The following VWA5B1 variants were observed in gnomAD, a reference collection of about 807,000 sequenced individuals.
VWA5B1 encodes the protein von Willebrand factor A domain-containing protein 5B1.
A neutral mutation model predicts 118.2 loss-of-function variants in VWA5B1; 115 were observed. The ratio of observed to expected loss-of-function variants is 0.97; its 90% CI spans 0.84 to 1.14. VWA5B1 has a LOEUF of 1.14. Among genes scored for constraint, VWA5B1 ranks in the 50% most tolerant of loss-of-function variants. The probability of loss-of-function intolerance (pLI) is 0.00; values close to 1 mark genes in which losing one functional copy is unlikely to be tolerated. For synonymous variants in VWA5B1, 682 were observed against 658.4 expected, an observed-to-expected ratio of 1.04 and a Z score of -0.55; for missense variants, 1,596 against 1,603.8, an observed-to-expected ratio of 1.00 and a Z score of 0.08.
At chr1:20,332,480 A>AAAAT (rs1248651490) in intron 11 of VWA5B1, among the ~76,000 whole-genome samples, 20 of 22,994 alleles carry the variant, frequency 8.7e-4, no homozygotes, top group African/African-American at 5.6e-3. Flanking sequence ...ACTCTGTCTC[A>AAAAT]AAATAAAATA....
intron 20 of VWA5B1, 108 bp from the exon 21 acceptor site, chr1:20,351,947 G>A (rs1027508614): frequency 7.9e-6 from 6 of 758,474 alleles, no homozygotes; most frequent in African/African-American, 7.2e-5. Context: ...CAGATAAGGA[G>A]GCTGGAGGGA....
chr1:20,319,263 C>T (rs1044710984), intron 6 of VWA5B1, 119 bp from the exon 7 acceptor site: 1 of 1,419,982 alleles, frequency 7.0e-7, no homozygotes, highest in African/African-American at 1.4e-5. Context: ...CCAGGGCTTC[C>T]ACCCCGCTTC....
chr1:20,340,641 G>A (rs985906792), intron 14 of VWA5B1, among the ~76,000 whole-genome samples: 9 of 152,150 alleles, frequency 5.9e-5, no homozygotes, highest in African/African-American at 1.2e-4. Flanking sequence ...GGATATATAT[G>A]GTCCCAGAGG....
chr1:20,318,469 G>C, intron 5 of VWA5B1, 121 bp from the exon 6 acceptor site: 2 of 1,380,506 alleles, frequency 1.4e-6, no homozygotes, highest in East Asian at 2.5e-5. Flanking sequence ...TGCAGGTCAG[G>C]AGCCCCTAAC....
At chr1:20,348,985 C>A in intron 18 of VWA5B1, 1 of 235,288 alleles carries the variant, frequency 4.3e-6, no homozygotes. Context: ...TTCTAGGTTC[C>A]CTCACGTGCA....
intron 16 of VWA5B1, among the ~76,000 whole-genome samples, chr1:20,344,650 G>A (rs1172108663): frequency 6.6e-6 from 1 of 152,210 alleles, no homozygotes; most frequent in Non-Finnish European, 1.5e-5. Flanking sequence ...AAAGTGACTG[G>A]TGGGATCTTG....
At chr1:20,299,208 C>A (rs991727109) in intron 1 of VWA5B1, among the ~76,000 whole-genome samples, 1 of 152,092 alleles carries the variant, frequency 6.6e-6, no homozygotes, top group African/African-American at 2.4e-5. Context: ...ATGGGAAACT[C>A]GGTATCCTAA....
At chr1:20,319,895 C>T (rs1162488754) in intron 7 of VWA5B1, among the ~76,000 whole-genome samples, 1 of 152,182 alleles carries the variant, frequency 6.6e-6, no homozygotes, top group African/African-American at 2.4e-5. Context: ...GCCTCTTGCT[C>T]TTCCTCCCTC....
chr1:20,317,447 CAT>C, intron 4 of VWA5B1, 81 bp from the exon 5 acceptor site: 2 of 1,498,448 alleles, frequency 1.3e-6, no homozygotes, highest in East Asian at 5.0e-5. Flanking sequence ...GCCTGGAACT[CAT>C]CGTCCTCTCC....
At chr1:20,326,651 AGACGGTTCAGGCT>A (rs2089393172) in intron 8 of VWA5B1, among the ~76,000 whole-genome samples, 1 of 152,026 alleles carries the variant, frequency 6.6e-6, no homozygotes, top group Admixed American at 6.6e-5. Context: ...TTTTTAGTAG[AGACGGTTCAGGCT>A]GGTCTCGAAC....
chr1:20,349,631 CTTGG>C (rs2090082693), intron 18 of VWA5B1, among the ~76,000 whole-genome samples: 1 of 151,958 alleles, frequency 6.6e-6, no homozygotes, highest in Non-Finnish European at 1.5e-5. Flanking sequence ...GGTTCATCAC[CTTGG>C]CCTCCCAAAA....
chr1:20,323,319 C>A, intron 7 of VWA5B1, 37 bp from the exon 8 acceptor site: 3 of 1,409,022 alleles, frequency 2.1e-6, no homozygotes, highest in Non-Finnish European at 9.3e-7. Context: ...ACCTCTTGAC[C>A]CTGATTGCCC....
Position 20,354,204 on chromosome 1 carries a change from C to G in VWA5B1, c.3589C>G (p.Arg1197Gly), listed in dbSNP as rs760089014. ...TGCCCGCCAGCTGTTTGTGCTTCTG[C>G]GGCACTGGGATGAGAATCTCGAGTT... ...AAARQLFVLL[R>G]HWDENLEFNM... is the part of the protein sequence containing the mutation. Residue 1197 changes from arginine to glycine, a missense_variant, in exon 22 of 22, where the codon CGG becomes GGG. Arg to Gly is a moderately radical substitution (Grantham distance 125). Transcript: ENST00000289815. 3 of 1,550,910 alleles carry G rather than the reference C, an allele frequency of 1.9e-6. No individual in the cohort carries two copies. In the East Asian group the frequency reaches 7.3e-5, roughly 38 times the overall value.
chr1:20,306,179 C>A (rs1371352856), intron 1 of VWA5B1, among the ~76,000 whole-genome samples: 1 of 152,044 alleles, frequency 6.6e-6, no homozygotes, highest in Non-Finnish European at 1.5e-5. Context: ...GAGAGGGGTG[C>A]AATTTTAAAG....
intron 4 of VWA5B1, among the ~76,000 whole-genome samples, chr1:20,316,586 G>C (rs1270352330): frequency 6.6e-6 from 1 of 152,182 alleles, no homozygotes; most frequent in African/African-American, 2.4e-5. Context: ...GACCTTAGGG[G>C]GTGTGCCTGT....
rs1444471662 is a variant in VWA5B1, at chr1:20,352,171, T to C, written c.3140T>C (p.Leu1047Pro). ...AACCAGAGCTTCGACTACATACCTC[T>C]GGTGAGTGCCCTGACCCCAGGTGTC... is the stretch of plus-strand genomic sequence containing the variant. Reference protein sequence around the residue: ...SGNQSFDYIPLVSLQLASGAF... With the variant: ...SGNQSFDYIPPVSLQLASGAF... The change falls in exon 21 of 22, where the codon CTG becomes CCG. Residue 1047 changes from leucine (L) to proline (P), a missense_variant and splice_region_variant. By Grantham distance (98) the Leu-to-Pro change is moderately conservative. Transcript: ENST00000289815. 4 of 1,550,100 alleles carry C rather than the reference T, an allele frequency of 2.6e-6. No individual in the cohort carries two copies. The African/African-American group carries it at 5.5e-5, about 21-fold the overall frequency.
chr1:20,354,284 G>A lies in VWA5B1; in HGVS notation c.*21G>A, dbSNP rs2090191022. 1.3e-6 allele frequency: 2 copies of A among 1,509,714 alleles called. No homozygotes were observed. The highest frequency in any genetic ancestry group is 5.0e-5 in the East Asian group (2 of 40,252). 93.5% of individuals were successfully genotyped at this position (1,509,714 alleles called of 1,614,324 possible). ...TGTAGTTGAGTGACGGGGAGGCTGGGTGGAGGGAAGGGTGGGGAGGAGAGG... is the reference window on the plus strand; with the variant it reads ...TGTAGTTGAGTGACGGGGAGGCTGGATGGAGGGAAGGGTGGGGAGGAGAGG... On this transcript the variant is annotated 3_prime_UTR_variant, in exon 22 of 22. Coordinates refer to ENST00000289815, the MANE Select transcript of VWA5B1 (RefSeq NM_001039500.3).
chr1:20,291,359 T>TCTCTCTC lies in VWA5B1; in HGVS notation c.-27+271_-27+272insCTCTCTC, dbSNP rs2088297636. Among the ~76,000 whole-genome samples, 341 of 103,354 alleles carry TCTCTCTC rather than the reference T, an allele frequency of 3.3e-3. 2 individuals are homozygous for TCTCTCTC. The highest frequency in any genetic ancestry group is 9.0e-3 in the East Asian group (30 of 3,322). 67.8% of individuals were successfully genotyped at this position (103,354 alleles called of 152,430 possible). ...TCTCTCTCTTTCTTTCTTTCTTTCT[T>TCTCTCTC]TCTCTCTCTCTCTCTCTCTCTCTCT... On this transcript the variant is annotated intron_variant, in intron 1 of 21. Transcript: ENST00000289815.
intron 1 of VWA5B1, chr1:20,294,245 CTT>C (rs2088363720): frequency 6.6e-6 from 1 of 152,206 alleles, no homozygotes; most frequent in African/African-American, 2.4e-5. Flanking sequence ...GAGTCAACTG[CTT>C]ATGCATCGAA....
Sources: gnomAD v4.1 joint callset for allele counts (sites outside exome capture counted in the v4.1 genomes callset) on GRCh38, gnomAD v4.1.1 for gene constraint, MANE v1.5 for transcripts, NCBI Gene and HGNC (gene_info 2026-07-23, HGNC 2026-07-21) for gene names.